SLIT3: variants seen among roughly 807,000 people sequenced by gnomAD.
The protein encoded by SLIT3 is slit guidance ligand 3, also known as slit homolog 3 protein.
In SLIT3, 68 loss-of-function variants were observed where a neutral mutation model predicts 184.0. That is an observed-to-expected ratio of 0.37 (90% confidence interval 0.30 to 0.45). The LOEUF (loss-of-function observed/expected upper bound fraction) is 0.45. Ranked by LOEUF, SLIT3 falls within the 20% of genes least tolerant of loss-of-function variation. The pLI is 1.00. For synonymous variants in SLIT3, 831 were observed against 828.6 expected, an observed-to-expected ratio of 1.00 and a Z score of -0.05; for missense variants, 1,707 against 2,026.0, an observed-to-expected ratio of 0.84 and a Z score of 3.02.
At chr5:169,232,104 C>A (rs74466522) in intron 3 of SLIT3, among the ~76,000 whole-genome samples, 25,465 of 152,082 alleles carry the variant, frequency 0.17, 2,404 homozygotes, top group African/African-American at 0.24. Context: ...CACTCTGGGA[C>A]ATGTTCTTTC....
intron 4 of SLIT3, among the ~76,000 whole-genome samples, chr5:169,082,477 T>C (rs892465207): frequency 3.3e-5 from 5 of 152,206 alleles, no homozygotes; most frequent in African/African-American, 9.7e-5. Flanking sequence ...ACCAACTAAA[T>C]TGTAAACTCC....
In SLIT3 at chr5:168,696,564, T is replaced by C. The variant is rs746883828; in HGVS notation, c.2943-133A>G. 6.4e-5 allele frequency: 65 copies of C among 1,015,006 alleles called. No individual in the cohort carries two copies. In the South Asian group the frequency reaches 6.6e-4, roughly 10 times the overall value. The allele number at this position is 1,015,006 out of a possible 1,614,324, so 62.9% of individuals were successfully genotyped here. On this transcript the variant is annotated intron_variant, in intron 27 of 35. Transcript: ENST00000519560. ...CCAGATGGAGGTCTGAGAAAGCACT[T>C]TGGACACATGAGGCCTTGGGGTCCT...
At chr5:168,967,704 T>C (rs1267955947) in intron 4 of SLIT3, among the ~76,000 whole-genome samples, 1 of 140,046 alleles carries the variant, frequency 7.1e-6, no homozygotes, top group African/African-American at 2.5e-5. Context: ...CCTCCCAAAG[T>C]GCTGGGATTA....
At chr5:169,245,854 G>A (rs571146694) in intron 2 of SLIT3, among the ~76,000 whole-genome samples, 1 of 152,236 alleles carries the variant, frequency 6.6e-6, no homozygotes, top group South Asian at 2.1e-4. Flanking sequence ...CTTGTGTTTA[G>A]TTCCCAAGTC....
chr5:168,818,434 T>C (rs898998026), intron 7 of SLIT3, among the ~76,000 whole-genome samples: 3 of 152,178 alleles, frequency 2.0e-5, no homozygotes, highest in Non-Finnish European at 4.4e-5. Flanking sequence ...TAAGGCAAAC[T>C]ACGGATATTC....
intron 6 of SLIT3, among the ~76,000 whole-genome samples, chr5:168,828,402 G>C (rs765641289): frequency 6.6e-6 from 1 of 152,040 alleles, no homozygotes; most frequent in Non-Finnish European, 1.5e-5. Context: ...AGGCCACAGC[G>C]GGAGGACTGC....
At chr5:168,773,220 T>C (rs912382140) in intron 13 of SLIT3, among the ~76,000 whole-genome samples, 3 of 152,148 alleles carry the variant, frequency 2.0e-5, no homozygotes, top group African/African-American at 7.2e-5. Flanking sequence ...CCACCACCGA[T>C]TGCTTCTACT....
chr5:169,126,994 AT>A (rs1761103069), intron 4 of SLIT3, among the ~76,000 whole-genome samples: 1 of 151,170 alleles, frequency 6.6e-6, no homozygotes, highest in African/African-American at 2.4e-5. Context: ...GCCTCAAGTA[AT>A]TTATCCAAAA....
chr5:168,720,152 G>C (rs1004314785), intron 23 of SLIT3: 1 of 152,164 alleles, frequency 6.6e-6, no homozygotes. Flanking sequence ...CTGGGCTCAA[G>C]CAATCCTCCC....
intron 20 of SLIT3, among the ~76,000 whole-genome samples, chr5:168,727,197 G>A (rs1318345560): frequency 6.6e-6 from 1 of 152,110 alleles, no homozygotes; most frequent in Non-Finnish European, 1.5e-5. Context: ...GTGCATGCCT[G>A]TAGTCCCAGC....
chr5:169,242,054 C>T (rs988129189), intron 3 of SLIT3, among the ~76,000 whole-genome samples: 1 of 152,016 alleles, frequency 6.6e-6, no homozygotes, highest in Non-Finnish European at 1.5e-5. Flanking sequence ...ATAAGGTGAG[C>T]CAGGAGAAAG....
intron 20 of SLIT3, among the ~76,000 whole-genome samples, chr5:168,727,334 AG>A (rs1416344605): frequency 6.6e-6 from 1 of 152,094 alleles, no homozygotes; most frequent in Non-Finnish European, 1.5e-5. Context: ...AAAAAGAAAA[AG>A]AAAAAAAAGG....
At chr5:169,223,518 A>G (rs1764687666) in intron 3 of SLIT3, among the ~76,000 whole-genome samples, 1 of 151,972 alleles carries the variant, frequency 6.6e-6, no homozygotes, top group Admixed American at 6.6e-5. Context: ...GCAAATCAGG[A>G]CTCCTACCTG....
chr5:169,288,257 TA>T (rs1767225162), intron 1 of SLIT3, among the ~76,000 whole-genome samples: 1 of 152,214 alleles, frequency 6.6e-6, no homozygotes, highest in South Asian at 2.1e-4. Context: ...AGAACTCTAA[TA>T]AAATGCAGAA....
intron 3 of SLIT3, among the ~76,000 whole-genome samples, chr5:169,202,880 A>G (rs1763947671): frequency 6.6e-6 from 1 of 151,740 alleles, no homozygotes; most frequent in Admixed American, 6.6e-5. Flanking sequence ...TTCTCCAATG[A>G]CATGGCTGTT....
At position 168,925,965 on chromosome 5, in the gene SLIT3, G is replaced by A. The variant is rs1304330966; in HGVS notation, c.414-42629C>T. Among the ~76,000 whole-genome samples the A allele has an allele frequency of 2.0e-5, 3 of 152,192 alleles. No individual in the cohort carries two copies. The East Asian group carries it at 5.8e-4, about 29-fold the overall frequency. On this transcript the variant is annotated intron_variant, in intron 4 of 35. Transcript: ENST00000519560. ...TAGAATCCTGGAATCTCCACTGTTT[G>A]TTTCAGCATCTCACCACTCAGAAAG...
Position 168,666,739 on chromosome 5 carries a change from G to A in SLIT3, c.4337-50C>T, listed in dbSNP as rs1761063708. The stretch of plus-strand genomic sequence containing the variant: ...CATTGGTGGTCTAGGTGGCCAGCAG[G>A]ACCATGAGCAGTTCCCAGGTAGGCT... On this transcript the variant is annotated intron_variant, in intron 35 of 35. Transcript: ENST00000519560. The A allele has an allele frequency of 2.5e-6, 4 of 1,612,778 alleles. No individual in the cohort carries two copies. The Admixed American group carries it at 5.0e-5, about 20-fold the overall frequency.
In SLIT3 at chr5:168,738,711, G is replaced by A. The variant is rs181935502; in HGVS notation, c.2270+9591C>T. On this transcript the variant is annotated intron_variant, in intron 20 of 35. Transcript: ENST00000519560. ...CCCAGCACTTTGGGAGGCCGAGGCA[G>A]GTGGATCACAAGGTCAGGAGATCGA... Among the ~76,000 whole-genome samples, 530 of 152,312 alleles carry A rather than the reference G, an allele frequency of 3.5e-3. 1 individual carries two copies. Among genetic ancestry groups the A allele is most frequent in the African/African-American group, 0.012 (517 of 41,574 alleles).
At chr5:168,896,505 G>A (rs986768959) in intron 4 of SLIT3, among the ~76,000 whole-genome samples, 2 of 152,130 alleles carry the variant, frequency 1.3e-5, no homozygotes, top group African/African-American at 4.8e-5. Flanking sequence ...CACTAAGACT[G>A]TAAAGCAGCA....
Sources: gnomAD v4.1 joint callset for allele counts (sites outside exome capture counted in the v4.1 genomes callset) on GRCh38, gnomAD v4.1.1 for gene constraint, MANE v1.5 for transcripts, NCBI Gene and HGNC (gene_info 2026-07-23, HGNC 2026-07-21) for gene names.